CCDC159: variants seen among roughly 807,000 people sequenced by gnomAD.
The protein encoded by CCDC159 is coiled-coil domain containing 159.
A neutral mutation model predicts 50.9 loss-of-function variants in CCDC159; 40 were observed. The ratio of observed to expected loss-of-function variants is 0.79; its 90% CI spans 0.61 to 1.02. The LOEUF (loss-of-function observed/expected upper bound fraction) is 1.02, where lower values mean the gene tolerates loss of function less well. CCDC159 is among the 50% of genes least tolerant of loss of function. The pLI, the probability that CCDC159 is intolerant of heterozygous loss-of-function variation, is 0.00. For missense variants in CCDC159, 356 were observed against 371.5 expected (o/e 0.96, Z 0.34); for synonymous variants, 146 against 138.9 (o/e 1.05, Z -0.36).
chr19:11,349,775 T>A (rs1967468605), intron 2 of CCDC159, 88 bp downstream of exon 2: 1 of 1,252,228 alleles, frequency 8.0e-7, no homozygotes, highest in Non-Finnish European at 1.2e-6. Flanking sequence ...GCTGTCCCCC[T>A]GCCATGGTCA....
In CCDC159 at chr19:11,346,568, C is replaced by A; in HGVS notation, c.-39C>A. 1.9e-6 allele frequency: 3 copies of A among 1,551,320 alleles called. No homozygotes were observed. The highest frequency in any genetic ancestry group is 4.9e-5 in the East Asian group (2 of 40,888). On this transcript the variant is annotated 5_prime_UTR_variant, in exon 1 of 11. Transcript: ENST00000458408. ...ACGATGGTGTCCCCGCGGGATCAAA[C>A]TTCAGCGTCACAGCTGAGGACTGGC...
In CCDC159 at chr19:11,350,450, C is replaced by T. The variant is rs190121153; in HGVS notation, c.226+251C>T. On this transcript the variant is annotated intron_variant, in intron 4 of 10. Coordinates refer to ENST00000458408, the MANE Select transcript of CCDC159 (RefSeq NM_001080503.3). Reference sequence around the variant, plus strand: ...GGTGGATCACCTGAGGTCAGGAGTTCGAGACCAGCCTGGCCAATATGGTGA... The same window carrying T: ...GGTGGATCACCTGAGGTCAGGAGTTTGAGACCAGCCTGGCCAATATGGTGA... Among the ~76,000 whole-genome samples, 732 of 149,642 alleles carry T rather than the reference C, an allele frequency of 4.9e-3. 14 individuals are homozygous for T. In the East Asian group the frequency reaches 0.05, roughly 10 times the overall value.
intron 8 of CCDC159, 88 bp from the exon 9 acceptor site, chr19:11,353,704 C>A: frequency 6.5e-7 from 1 of 1,537,184 alleles, no homozygotes; most frequent in Non-Finnish European, 8.8e-7. Flanking sequence ...ACTCACCCCA[C>A]CACGGCCCCC....
At position 11,353,516 on chromosome 19, in the gene CCDC159, G is replaced by A. The variant is rs1387342659; in HGVS notation, c.633G>A (p.Pro211=). Residue 211 remains proline (P), a synonymous_variant, in exon 8 of 11, where the codon CCG becomes CCA. Transcript: ENST00000458408. The part of the protein sequence containing the change: ...TAACPETEEI[P]QGASGCWKDD... ...CCTGTCCGGAGACTGAAGAGATACCGCAGGGAGCCAGTGGCTGCTGGAAGG... is the reference window on the plus strand; with the variant it reads ...CCTGTCCGGAGACTGAAGAGATACCACAGGGAGCCAGTGGCTGCTGGAAGG... The A allele has an allele frequency of 1.1e-5, 18 of 1,612,830 alleles. No individual in the cohort carries two copies. The highest frequency in any genetic ancestry group is 9.4e-5 in the African/African-American group (7 of 74,862).
In CCDC159 at chr19:11,350,864, G is replaced by C. The variant is rs780084586; in HGVS notation, c.283G>C (p.Glu95Gln). The change falls in exon 5 of 11, where the codon GAG becomes CAG. Residue 95 changes from glutamate (E) to glutamine (Q), a missense_variant. By Grantham distance (29) the Glu-to-Gln change is conservative. Coordinates refer to ENST00000458408, the MANE Select transcript of CCDC159 (RefSeq NM_001080503.3). Reference protein sequence around the residue: ...GEKEEHKWGMEQGRQELYGAL... With the variant: ...GEKEEHKWGMQQGRQELYGAL... The stretch of plus-strand genomic sequence containing the variant: ...GAAGGAGGAGCACAAGTGGGGCATG[G>C]AGCAGGGCCGGCAGGAGCTGTATGG... 28 of 1,551,696 alleles carry C rather than the reference G, an allele frequency of 1.8e-5. No individual in the cohort carries two copies. The highest frequency in any genetic ancestry group is 1.6e-4 in the African/African-American group (12 of 73,126).
In CCDC159 at chr19:11,351,012, T is replaced by C; in HGVS notation, c.422+9T>C. On this transcript the variant is annotated intron_variant, in intron 5 of 10. Coordinates refer to ENST00000458408, the MANE Select transcript of CCDC159 (RefSeq NM_001080503.3). Reference sequence around the variant, plus strand: ...CAGGAGATCCGGGACAGGTCGGGGATGGCGGGAGGGCAGCTTGGAGTCCAC... The same window carrying C: ...CAGGAGATCCGGGACAGGTCGGGGACGGCGGGAGGGCAGCTTGGAGTCCAC... 6.6e-7 allele frequency: 1 copy of C among 1,510,332 alleles called. No homozygotes were observed. Among genetic ancestry groups the C allele is most frequent in the Non-Finnish European group, 8.9e-7 (1 of 1,125,642 alleles). The allele number at this position is 1,510,332 out of a possible 1,614,324, so 93.6% of individuals were successfully genotyped here.
At chr19:11,353,245 C>T (rs953462722) in intron 7 of CCDC159, 3 of 360,978 alleles carry the variant, frequency 8.3e-6, no homozygotes, top group Middle Eastern at 8.5e-4. Flanking sequence ...GGACAACAGG[C>T]GCCCGCCACC....
intron 1 of CCDC159, chr19:11,348,937 C>G (rs1169624325): frequency 3.8e-6 from 5 of 1,330,166 alleles, no homozygotes; most frequent in East Asian, 9.2e-5. Flanking sequence ...GTGCCCTGCA[C>G]TGTCCCTCAA....
intron 5 of CCDC159, 58 bp downstream of exon 5, chr19:11,351,061 T>C (rs769735996): frequency 1.5e-6 from 2 of 1,296,662 alleles, no homozygotes; most frequent in East Asian, 3.0e-5. Context: ...GACCCAGAAC[T>C]GGGGAATGGA....
chr19:11,347,667 C>A (rs970806856), intron 1 of CCDC159, among the ~76,000 whole-genome samples: 2 of 152,080 alleles, frequency 1.3e-5, no homozygotes, highest in South Asian at 4.2e-4. Flanking sequence ...TCTTCCAGGT[C>A]GACTGAATCA....
intron 5 of CCDC159, 29 bp from the exon 6 acceptor site, chr19:11,351,877 T>C: frequency 1.3e-6 from 2 of 1,563,752 alleles, no homozygotes; most frequent in Non-Finnish European, 1.7e-6. Context: ...AGGCAGGGAG[T>C]GCAGGTCTAG....
Position 11,346,546 on chromosome 19 carries a change from A to G in CCDC159, c.-61A>G. On this transcript the variant is annotated 5_prime_UTR_variant, in exon 1 of 11. An upstream start codon of the reference 5' UTR is lost. Coordinates refer to ENST00000458408, the MANE Select transcript of CCDC159 (RefSeq NM_001080503.3). ...CTCAGTCTCTGAGCGTTTTAATACG[A>G]TGGTGTCCCCGCGGGATCAAACTTC... The G allele has an allele frequency of 6.5e-7, 1 of 1,541,896 alleles. No individual in the cohort carries two copies. Among genetic ancestry groups the G allele is most frequent in the Non-Finnish European group, 8.8e-7 (1 of 1,138,212 alleles).
Position 11,346,590 on chromosome 19 carries a change from T to A in CCDC159, c.-17T>A. ...AAACTTCAGCGTCACAGCTGAGGAC[T>A]GGCTTCGTGGTCCCTGATGGGAGAG... On this transcript the variant is annotated 5_prime_UTR_variant, in exon 1 of 11. Coordinates refer to ENST00000458408, the MANE Select transcript of CCDC159 (RefSeq NM_001080503.3). 1 of 1,551,572 alleles carries A rather than the reference T, an allele frequency of 6.4e-7. No homozygotes were observed. Among genetic ancestry groups the A allele is most frequent in the Non-Finnish European group, 8.7e-7 (1 of 1,146,924 alleles).
At position 11,346,558 on chromosome 19, in the gene CCDC159, C is replaced by T; in HGVS notation, c.-49C>T. The T allele has an allele frequency of 6.5e-7, 1 of 1,549,130 alleles. No individual in the cohort carries two copies. The highest frequency in any genetic ancestry group is 8.7e-7 in the Non-Finnish European group (1 of 1,144,756). ...GCGTTTTAATACGATGGTGTCCCCG[C>T]GGGATCAAACTTCAGCGTCACAGCT... On this transcript the variant is annotated 5_prime_UTR_variant, in exon 1 of 11. Coordinates refer to ENST00000458408, the MANE Select transcript of CCDC159 (RefSeq NM_001080503.3).
chr19:11,351,800 G>A (rs1444945632), intron 5 of CCDC159, 106 bp from the exon 6 acceptor site: 4 of 922,802 alleles, frequency 4.3e-6, no homozygotes, highest in African/African-American at 3.3e-5. Flanking sequence ...GCAGGGAAGT[G>A]TGGGGAGGGG....
intron 3 of CCDC159, 33 bp from the exon 4 acceptor site, chr19:11,350,085 C>T: frequency 1.2e-6 from 2 of 1,612,270 alleles, no homozygotes; most frequent in Non-Finnish European, 1.7e-6. Flanking sequence ...TCCCCTCCTT[C>T]CTCCCACCCC....
chr19:11,347,356 G>A (rs902888888), intron 1 of CCDC159, among the ~76,000 whole-genome samples: 1 of 152,164 alleles, frequency 6.6e-6, no homozygotes, highest in South Asian at 2.1e-4. Context: ...TTGAGACGGA[G>A]TTTCGCTCTC....
intron 2 of CCDC159, 63 bp downstream of exon 2, chr19:11,349,750 T>C (rs1169802537): frequency 1.5e-6 from 2 of 1,372,128 alleles, no homozygotes; most frequent in Admixed American, 1.8e-5. Context: ...ACCTCTACCC[T>C]CTGCCCCAGC....
In CCDC159 at chr19:11,354,564, C is replaced by T. The variant is rs751971157; in HGVS notation, c.773-16C>T. ...TTACTTGAGGGTCACATTCAGGGAA[C>T]CTGTCCCTCCTGCAGGCCACAAGGG... On this transcript the variant is annotated splice_polypyrimidine_tract_variant and intron_variant, in intron 9 of 10. Transcript: ENST00000458408. 6 of 1,563,542 alleles carry T rather than the reference C, an allele frequency of 3.8e-6. No individual in the cohort carries two copies. The highest frequency in any genetic ancestry group is 2.4e-5 in the East Asian group (1 of 42,440).
Sources: gnomAD v4.1 joint callset for allele counts (sites outside exome capture counted in the v4.1 genomes callset) on GRCh38, gnomAD v4.1.1 for gene constraint, MANE v1.5 for transcripts, NCBI Gene and HGNC (gene_info 2026-07-23, HGNC 2026-07-21) for gene names.